BBS9: variants seen among roughly 807,000 people sequenced by gnomAD.
BBS9 encodes protein PTHB1.
A neutral mutation model predicts 117.7 loss-of-function variants in BBS9; 89 were observed. That is an observed-to-expected ratio of 0.76 (90% CI 0.64 to 0.90). BBS9 has a LOEUF of 0.90. BBS9 is among the 40% of genes least tolerant of loss of function. BBS9 has a pLI of 0.00. For synonymous variants in BBS9, 379 were observed against 370.9 expected (o/e 1.02, Z -0.25); for missense variants, 982 against 1,042.2 (o/e 0.94, Z 0.80).
intron 19 of BBS9, among the ~76,000 whole-genome samples, chr7:33,392,672 G>A (rs1252102136): frequency 2.0e-5 from 3 of 151,822 alleles, no homozygotes; most frequent in Non-Finnish European, 4.4e-5. Context: ...TATTTTAAAC[G>A]AACAGTTCTT....
At chr7:33,312,675 T>C (rs556365901) in intron 9 of BBS9, among the ~76,000 whole-genome samples, 2 of 152,182 alleles carry the variant, frequency 1.3e-5, no homozygotes, top group Non-Finnish European at 2.9e-5. Flanking sequence ...GGAACACATG[T>C]ATTTTAATAT....
chr7:33,516,928 C>G (rs779484588), intron 20 of BBS9, among the ~76,000 whole-genome samples: 1 of 152,214 alleles, frequency 6.6e-6, no homozygotes, highest in Non-Finnish European at 1.5e-5. Context: ...ACAGTGTTAA[C>G]AGGAATATGT....
intron 21 of BBS9, among the ~76,000 whole-genome samples, chr7:33,536,224 A>G (rs1400515070): frequency 1.3e-5 from 2 of 152,016 alleles, no homozygotes; most frequent in Non-Finnish European, 2.9e-5. Flanking sequence ...TGCATGGGCA[A>G]TCAGGGTCAC....
chr7:33,551,604 A>G (rs886286446), intron 21 of BBS9, among the ~76,000 whole-genome samples: 1 of 152,168 alleles, frequency 6.6e-6, no homozygotes, highest in African/African-American at 2.4e-5. Flanking sequence ...AGTGCTTACT[A>G]TGTTTCAGGC....
intron 21 of BBS9, among the ~76,000 whole-genome samples, chr7:33,612,101 T>A (rs1337475350): frequency 6.7e-6 from 1 of 149,734 alleles, no homozygotes; most frequent in Non-Finnish European, 1.5e-5. Context: ...CTGTTATTTA[T>A]TTAAGGATGA....
At chr7:33,601,916 C>T (rs1049097423) in intron 21 of BBS9, among the ~76,000 whole-genome samples, 1 of 152,172 alleles carries the variant, frequency 6.6e-6, no homozygotes, top group African/African-American at 2.4e-5. Context: ...TCACCTCCAG[C>T]TATGGAGCCC....
rs186636562 is a variant in BBS9 at position 33,560,698 on chromosome 7, C to G, written c.2521+26522C>G. Among the ~76,000 whole-genome samples, 32 of 152,240 alleles carry G rather than the reference C, an allele frequency of 2.1e-4. 1 individual carries two copies. In the East Asian group the frequency reaches 5.6e-3, roughly 27 times the overall value. ...ATCTAAAAGTCTCCATTCAAATACTCCAGGCCCTTCTGCATGTAAAACCAC... is the reference window on the plus strand; with the variant it reads ...ATCTAAAAGTCTCCATTCAAATACTGCAGGCCCTTCTGCATGTAAAACCAC... On this transcript the variant is annotated intron_variant, in intron 21 of 22. Coordinates refer to ENST00000242067, the MANE Select transcript of BBS9 (RefSeq NM_198428.3).
At chr7:33,550,676 A>G (rs2129090535) in intron 21 of BBS9, among the ~76,000 whole-genome samples, 2 of 152,290 alleles carry the variant, frequency 1.3e-5, no homozygotes, top group East Asian at 1.9e-4. Flanking sequence ...TCTAAAAACA[A>G]TTTTAGTGTG....
chr7:33,294,289 T>TCATC (rs1245217997), intron 9 of BBS9, among the ~76,000 whole-genome samples: 2 of 136,654 alleles, frequency 1.5e-5, no homozygotes, highest in African/African-American at 5.6e-5. Context: ...CATCTATCTA[T>TCATC]CATCTATCTA....
Position 33,303,627 on chromosome 7 carries a change from AC to A in BBS9, c.1016+29673del, listed in dbSNP as rs1384168408. On this transcript the variant is annotated intron_variant, in intron 9 of 22. Transcript: ENST00000242067. ...TCCCTGCCTCGGGCTCCCATGATTCACCTGCCGAGTGTCTGGGATTGCAGGC... is the reference window on the plus strand; with the variant it reads ...TCCCTGCCTCGGGCTCCCATGATTCACTGCCGAGTGTCTGGGATTGCAGGC... 2.9e-5 allele frequency among the ~76,000 whole-genome samples: 4 copies of A among 138,552 alleles called. No homozygotes were observed. In the East Asian group the frequency reaches 8.7e-4, roughly 30 times the overall value. The allele number at this position is 138,552 out of a possible 152,430, so 90.9% of individuals were successfully genotyped here. A position where few individuals can be genotyped will look rare whatever the true frequency, so the allele number is the denominator to read the frequency against.
chr7:33,634,696 C>T (rs1336127878), intron 21 of BBS9, among the ~76,000 whole-genome samples: 1 of 152,170 alleles, frequency 6.6e-6, no homozygotes, highest in African/African-American at 2.4e-5. Flanking sequence ...AACCACAAAG[C>T]CCTGCTGGGG....
At chr7:33,144,521 C>T (rs956259852) in intron 1 of BBS9, among the ~76,000 whole-genome samples, 1 of 152,166 alleles carries the variant, frequency 6.6e-6, no homozygotes, top group Admixed American at 6.5e-5. Flanking sequence ...CAATGGCTTT[C>T]TTGTTTCAGT....
At chr7:33,148,368 C>T (rs909128113) in intron 2 of BBS9, among the ~76,000 whole-genome samples, 3 of 152,018 alleles carry the variant, frequency 2.0e-5, no homozygotes, top group Non-Finnish European at 2.9e-5. Flanking sequence ...CTGAAAAGAG[C>T]AGGCAGAGAG....
chr7:33,599,028 T>G (rs1184237759), intron 21 of BBS9, among the ~76,000 whole-genome samples: 4 of 152,176 alleles, frequency 2.6e-5, no homozygotes, highest in Non-Finnish European at 2.9e-5. Context: ...CAAAATGGAA[T>G]AGTGGTACCA....
intron 19 of BBS9, among the ~76,000 whole-genome samples, chr7:33,481,215 G>C (rs972702844): frequency 6.6e-6 from 1 of 152,152 alleles, no homozygotes; most frequent in African/African-American, 2.4e-5. Context: ...GTTAATGTAT[G>C]GTAGTGGGAA....
At chr7:33,315,522 C>G (rs761087431) in intron 9 of BBS9, among the ~76,000 whole-genome samples, 1 of 152,076 alleles carries the variant, frequency 6.6e-6, no homozygotes, top group Non-Finnish European at 1.5e-5. Flanking sequence ...CTTGATGAAA[C>G]GAGCTGTAAA....
chr7:33,218,830 C>T (rs184744564), intron 5 of BBS9, among the ~76,000 whole-genome samples: 7 of 152,396 alleles, frequency 4.6e-5, no homozygotes, highest in East Asian at 3.9e-4. Context: ...TTGCAGCCCT[C>T]GCTCGCTCTC....
chr7:33,296,719 G>A (rs924755643), intron 9 of BBS9, among the ~76,000 whole-genome samples: 5 of 152,212 alleles, frequency 3.3e-5, no homozygotes, highest in Admixed American at 6.5e-5. Flanking sequence ...CAACAGAGGC[G>A]AATAAACACT....
At chr7:33,252,719 A>G (rs546485384) in intron 5 of BBS9, among the ~76,000 whole-genome samples, 15 of 152,220 alleles carry the variant, frequency 9.9e-5, no homozygotes, top group African/African-American at 1.4e-4. Flanking sequence ...ACAGTCTTCA[A>G]TAACACAGAT....
Sources: allele counts gnomAD v4.1 joint callset (sites outside exome capture counted in the v4.1 genomes callset), GRCh38; gene constraint gnomAD v4.1.1; transcripts MANE v1.5; gene names NCBI Gene and HGNC (gene_info 2026-07-23, HGNC 2026-07-21).